RANBP17: variants seen among roughly 807,000 people sequenced by gnomAD.
RANBP17 encodes the protein RAN binding protein 17, also known as ran-binding protein 17.
RANBP17 carries 158 observed loss-of-function variants against 141.2 expected under a neutral mutation model. The observed-to-expected ratio is 1.12, with a 90% CI of 0.98 to 1.28. RANBP17 has a LOEUF of 1.28. RANBP17 is among the 50% of genes most tolerant of loss of function. The pLI is 0.00. For synonymous variants in RANBP17, 430 were observed against 450.0 expected (o/e 0.96, Z 0.56); for missense variants, 1,438 against 1,290.7 (o/e 1.11, Z -1.75).
intron 19 of RANBP17, among the ~76,000 whole-genome samples, chr5:171,203,674 T>C (rs1762424361): frequency 6.6e-6 from 1 of 152,126 alleles, no homozygotes; most frequent in Non-Finnish European, 1.5e-5. Context: ...ATGAAAAAAT[T>C]GTGATAAAAT....
chr5:171,036,058 A>G (rs1031205976), intron 14 of RANBP17, among the ~76,000 whole-genome samples: 1 of 152,028 alleles, frequency 6.6e-6, no homozygotes, highest in Non-Finnish European at 1.5e-5. Context: ...ATGCCCAGCT[A>G]ATTTTTGTAT....
chr5:171,190,805 T>A (rs971856618), intron 18 of RANBP17, among the ~76,000 whole-genome samples: 1 of 152,228 alleles, frequency 6.6e-6, no homozygotes, highest in Non-Finnish European at 1.5e-5. Flanking sequence ...ATAACAACGC[T>A]TTTCATTTGG....
chr5:170,963,399 A>T (rs552271151), intron 13 of RANBP17, among the ~76,000 whole-genome samples: 1 of 152,340 alleles, frequency 6.6e-6, no homozygotes, highest in South Asian at 2.1e-4. Flanking sequence ...AGACCTTGCT[A>T]TTATGCAAAA....
intron 22 of RANBP17, among the ~76,000 whole-genome samples, chr5:171,232,231 T>C (rs1764246061): frequency 6.6e-6 from 1 of 152,172 alleles, no homozygotes; most frequent in South Asian, 2.1e-4. Flanking sequence ...AAATCTTTTA[T>C]TCAAAAAAGG....
intron 14 of RANBP17, among the ~76,000 whole-genome samples, chr5:171,108,912 TA>T (rs1408153143): frequency 1.3e-5 from 2 of 152,088 alleles, no homozygotes; most frequent in African/African-American, 4.8e-5. Context: ...CAAACTTTAT[TA>T]AAAAACAAAA....
intron 14 of RANBP17, among the ~76,000 whole-genome samples, chr5:171,063,088 C>A (rs984918117): frequency 3.3e-5 from 5 of 152,116 alleles, no homozygotes; most frequent in African/African-American, 7.2e-5. Context: ...TTTTTAACTT[C>A]TTTGCCTTTG....
intron 22 of RANBP17, among the ~76,000 whole-genome samples, chr5:171,233,511 G>C (rs1764334802): frequency 6.6e-6 from 1 of 151,804 alleles, no homozygotes; most frequent in African/African-American, 2.4e-5. Flanking sequence ...TAGGTGAGTG[G>C]ATAAATAAAC....
At chr5:171,156,416 AGAT>A (rs1758897777) in intron 14 of RANBP17, among the ~76,000 whole-genome samples, 1 of 152,136 alleles carries the variant, frequency 6.6e-6, no homozygotes, top group South Asian at 2.1e-4. Flanking sequence ...TAATTTATTT[AGAT>A]GTTTTTAAAA....
chr5:171,242,481 G>A (rs535063914), intron 23 of RANBP17, among the ~76,000 whole-genome samples: 5 of 152,258 alleles, frequency 3.3e-5, no homozygotes, highest in Non-Finnish European at 7.4e-5. Flanking sequence ...AACCATATAA[G>A]GTAAAGAGAT....
chr5:171,044,578 C>T (rs1487017329), intron 14 of RANBP17, among the ~76,000 whole-genome samples: 6 of 151,858 alleles, frequency 4.0e-5, no homozygotes, highest in East Asian at 1.9e-4. Context: ...CAAATTTACT[C>T]ATAATAAAAA....
chr5:171,071,800 A>G (rs1196347638), intron 14 of RANBP17, among the ~76,000 whole-genome samples: 1 of 152,110 alleles, frequency 6.6e-6, no homozygotes, highest in Non-Finnish European at 1.5e-5. Context: ...GAAAATCTCC[A>G]TAATTTTGAC....
At chr5:171,146,925 A>G (rs966293418) in intron 14 of RANBP17, among the ~76,000 whole-genome samples, 1 of 152,324 alleles carries the variant, frequency 6.6e-6, no homozygotes, top group Admixed American at 6.5e-5. Context: ...TCTTACATCA[A>G]ATTGTACTAT....
intron 14 of RANBP17, among the ~76,000 whole-genome samples, chr5:170,974,485 GT>G (rs1777219685): frequency 6.6e-6 from 1 of 152,168 alleles, no homozygotes; most frequent in African/African-American, 2.4e-5. Context: ...ATATACTGGA[GT>G]TGGGTGCTTG....
At chr5:171,081,382 A>G (rs115798655) in intron 14 of RANBP17, among the ~76,000 whole-genome samples, 39 of 152,296 alleles carry the variant, frequency 2.6e-4, no homozygotes, top group African/African-American at 7.9e-4. Flanking sequence ...TTGATTTATT[A>G]TGAATGATTT....
chr5:171,247,281 C>G (rs1000161643), intron 24 of RANBP17, among the ~76,000 whole-genome samples: 46 of 152,234 alleles, frequency 3.0e-4, no homozygotes, highest in African/African-American at 9.9e-4. Flanking sequence ...TATCTTCAGC[C>G]TCTTGTATTG....
intron 13 of RANBP17, among the ~76,000 whole-genome samples, chr5:170,954,808 C>T (rs1179620664): frequency 6.6e-6 from 1 of 152,120 alleles, no homozygotes; most frequent in South Asian, 2.1e-4. Flanking sequence ...ATTTTAAAGA[C>T]TTTCAATACT....
At chr5:171,088,564 A>G (rs1445574866) in intron 14 of RANBP17, among the ~76,000 whole-genome samples, 1 of 152,188 alleles carries the variant, frequency 6.6e-6, no homozygotes, top group Non-Finnish European at 1.5e-5. Context: ...GTGTTTTCCA[A>G]CTTGTTTCCA....
chr5:171,190,331 T>A (rs1045407504), intron 18 of RANBP17, among the ~76,000 whole-genome samples: 1 of 151,622 alleles, frequency 6.6e-6, no homozygotes, highest in Non-Finnish European at 1.5e-5. Flanking sequence ...GGGCAGGGGG[T>A]GGTTGGCAAT....
chr5:171,205,561 T>C lies in RANBP17; in HGVS notation c.2180T>C (p.Ile727Thr), dbSNP rs2127961357. The part of the protein sequence containing the change: ...LIGLARDLRG[I>T]AFALNTKTSY... ...GGGCTGGCAAGAGATCTTCGAGGGA[T>C]TGCCTTTGCACTGAACACAAAGACC... Residue 727 changes from isoleucine (I) to threonine (T), a missense_variant, in exon 20 of 28, where the codon ATT becomes ACT. Physicochemically the swap from Ile to Thr is moderately conservative, Grantham distance 89. Transcript: ENST00000523189. 1.9e-6 allele frequency: 3 copies of C among 1,614,048 alleles called. No homozygotes were observed. Among genetic ancestry groups the C allele is most frequent in the Non-Finnish European group, 1.7e-6 (2 of 1,179,946 alleles).
Sources: allele counts gnomAD v4.1 joint callset (sites outside exome capture counted in the v4.1 genomes callset), GRCh38; gene constraint gnomAD v4.1.1; transcripts MANE v1.5; gene names NCBI Gene and HGNC (gene_info 2026-07-23, HGNC 2026-07-21).